Variants in RIC1 observed in about 807,000 individuals in gnomAD.
The protein encoded by RIC1 is guanine nucleotide exchange factor subunit RIC1.
A neutral mutation model predicts 169.0 loss-of-function variants in RIC1; 88 were observed. The ratio of observed to expected loss-of-function variants is 0.52; its 90% CI spans 0.44 to 0.62. The LOEUF is 0.62. Among genes scored for constraint, RIC1 ranks in the 20% least tolerant of loss-of-function variants. The probability of loss-of-function intolerance (pLI) is 0.00; values close to 1 mark genes in which losing one functional copy is unlikely to be tolerated. For missense variants in RIC1, 1,877 were observed against 1,725.5 expected (o/e 1.09, Z -1.56); for synonymous variants, 790 against 601.5 (o/e 1.31, Z -4.59).
Position 5,629,258 on chromosome 9 carries a change from G to A in RIC1, c.-52G>A, listed in dbSNP as rs1230761585. 4 of 1,412,728 alleles carry A rather than the reference G, an allele frequency of 2.8e-6. No homozygotes were observed. Among genetic ancestry groups the A allele is most frequent in the Non-Finnish European group, 3.7e-6 (4 of 1,081,248 alleles). 87.5% of individuals were successfully genotyped at this position (1,412,728 alleles called of 1,614,324 possible). A position where few individuals can be genotyped will look rare whatever the true frequency, so the allele number is the denominator to read the frequency against. On this transcript the variant is annotated 5_prime_UTR_variant, in exon 1 of 26. Transcript: ENST00000414202. ...GTGGGAGGTGGGCGACCAGCCCGGG[G>A]CCGCTGAGTGTGACGGACGCAACTG...
At chr9:5,688,911 G>T (rs1013586681) in intron 2 of RIC1, among the ~76,000 whole-genome samples, 4 of 152,104 alleles carry the variant, frequency 2.6e-5, no homozygotes, top group African/African-American at 7.2e-5. Flanking sequence ...AAAATGTTTG[G>T]CTGGAAACAG....
intron 4 of RIC1, among the ~76,000 whole-genome samples, chr9:5,719,762 C>A (rs1177458987): frequency 6.6e-6 from 1 of 152,220 alleles, no homozygotes. Flanking sequence ...ACATTTCCAT[C>A]ATTATTCAAA....
chr9:5,690,847 T>C (rs750624489), intron 3 of RIC1, among the ~76,000 whole-genome samples: 18 of 151,782 alleles, frequency 1.2e-4, no homozygotes, highest in South Asian at 4.2e-4. Context: ...GAGATTCCAG[T>C]AGATAAATAG....
Position 5,629,379 on chromosome 9 carries a change from C to T in RIC1, c.70C>T (p.His24Tyr). 1.3e-6 allele frequency: 2 copies of T among 1,533,738 alleles called. No homozygotes were observed. Among genetic ancestry groups the T allele is most frequent in the Non-Finnish European group, 1.7e-6 (2 of 1,146,016 alleles). The change falls in exon 1 of 26, where the codon CAC (histidine) becomes TAC (tyrosine). Residue 24 changes from histidine (H) to tyrosine (Y), a missense_variant. Physicochemically the swap from His to Tyr is moderately conservative, Grantham distance 83. This residue lies in a region of RIC1 where 1,104 missense variants were observed against 992.0 expected (regional missense o/e 1.11). Coordinates refer to ENST00000414202, the MANE Select transcript of RIC1 (RefSeq NM_020829.4). ...PLGSPAEAPF[H>Y]VQSDPQRAFF... ...GGGGAGCCCGGCCGAGGCGCCTTTC[C>T]ACGTTCAGTCCGACCCGCAGAGGGC...
rs1333179778 is a variant in RIC1 at position 5,775,628 on chromosome 9, C to T, written c.*1382C>T. 1 of 152,148 alleles carries T rather than the reference C, an allele frequency of 6.6e-6. No individual in the cohort carries two copies. The allele number at this position is 152,148 out of a possible 1,614,324, so 9.4% of individuals were successfully genotyped here. On this transcript the variant is annotated 3_prime_UTR_variant, in exon 26 of 26. Coordinates refer to ENST00000414202, the MANE Select transcript of RIC1 (RefSeq NM_020829.4). ...TTAGAAACAAAACTTGGTCCTCTCTCCTTGCTTTTTAAAGTAAATGGCTAG... is the reference window on the plus strand; with the variant it reads ...TTAGAAACAAAACTTGGTCCTCTCTTCTTGCTTTTTAAAGTAAATGGCTAG...
At chr9:5,757,589 G>A in intron 17 of RIC1, 138 bp downstream of exon 17, 2 of 827,568 alleles carry the variant, frequency 2.4e-6, no homozygotes, top group South Asian at 1.9e-5. Flanking sequence ...GGGTTGCAGT[G>A]GCAAATTAAA....
At chr9:5,726,280 T>C (rs1329998229) in intron 6 of RIC1, among the ~76,000 whole-genome samples, 1 of 152,248 alleles carries the variant, frequency 6.6e-6, no homozygotes, top group Non-Finnish European at 1.5e-5. Context: ...GCTCTTCTTG[T>C]TGAATTGATC....
chr9:5,744,305 A>T (rs1277849231), intron 10 of RIC1, among the ~76,000 whole-genome samples: 1 of 152,098 alleles, frequency 6.6e-6, no homozygotes, highest in East Asian at 1.9e-4. Context: ...CCTGGAGGAC[A>T]TGCACTTGTG....
chr9:5,649,057 C>T (rs1350304220), intron 1 of RIC1, among the ~76,000 whole-genome samples: 1 of 152,028 alleles, frequency 6.6e-6, no homozygotes, highest in Non-Finnish European at 1.5e-5. Flanking sequence ...ATCATTTGAG[C>T]CAGGGAGGTA....
In RIC1 at chr9:5,742,850, T is replaced by C; in HGVS notation, c.902-19T>C. 1 of 1,597,494 alleles carries C rather than the reference T, an allele frequency of 6.3e-7. No homozygotes were observed. Among genetic ancestry groups the C allele is most frequent in the Non-Finnish European group, 8.6e-7 (1 of 1,169,292 alleles). On this transcript the variant is annotated intron_variant, in intron 8 of 25. Transcript: ENST00000414202. The stretch of plus-strand genomic sequence containing the variant: ...GAAGCAACTATTTATTTTTAACTCT[T>C]CTCACTATTTCCTAACAGACATTTG...
intron 2 of RIC1, among the ~76,000 whole-genome samples, chr9:5,677,990 C>T (rs1820557075): frequency 6.6e-6 from 1 of 151,948 alleles, no homozygotes. Context: ...AATGCTATCC[C>T]TCCCCCCTGC....
In RIC1 at chr9:5,765,719, C is replaced by A; in HGVS notation, c.3058C>A (p.Gln1020Lys). 1 of 1,614,138 alleles carries A rather than the reference C, an allele frequency of 6.2e-7. No individual in the cohort carries two copies. The highest frequency in any genetic ancestry group is 8.5e-7 in the Non-Finnish European group (1 of 1,179,994). ...FFRNRSISLS[Q>K]SAENVPASKF... Reference sequence around the variant, plus strand: ...CAGGAATCGAAGCATCAGTTTATCCCAGTCAGCTGAAAATGTTCCTGCCAG... The same window carrying A: ...CAGGAATCGAAGCATCAGTTTATCCAAGTCAGCTGAAAATGTTCCTGCCAG... Residue 1020 changes from glutamine to lysine, a missense_variant, in exon 21 of 26, where the codon CAG (glutamine) becomes AAG (lysine). Physicochemically the swap from Gln to Lys is moderately conservative, Grantham distance 53. Around this residue, in one of 3 missense-constraint regions of RIC1, gnomAD observed 681 missense variants for 582.0 expected, o/e 1.17. Coordinates refer to ENST00000414202, the MANE Select transcript of RIC1 (RefSeq NM_020829.4).
intron 2 of RIC1, among the ~76,000 whole-genome samples, chr9:5,681,255 G>C (rs1261859250): frequency 1.3e-5 from 2 of 152,032 alleles, no homozygotes; most frequent in Non-Finnish European, 2.9e-5. Context: ...TGTGATGTTA[G>C]GGTGTCAATT....
chr9:5,747,605 G>A (rs1338673486), intron 12 of RIC1, 100 bp downstream of exon 12: 7 of 1,073,750 alleles, frequency 6.5e-6, no homozygotes, highest in Non-Finnish European at 9.7e-6. Flanking sequence ...AGGCAACTGA[G>A]AATCCTTTTA....
chr9:5,759,166 G>A (rs1038641058), intron 17 of RIC1, among the ~76,000 whole-genome samples: 3 of 152,150 alleles, frequency 2.0e-5, no homozygotes, highest in African/African-American at 7.2e-5. Flanking sequence ...CTGTTTTACA[G>A]AAGTTTAGAT....
chr9:5,630,919 G>C (rs934857179), intron 1 of RIC1, among the ~76,000 whole-genome samples: 1 of 152,138 alleles, frequency 6.6e-6, no homozygotes, highest in African/African-American at 2.4e-5. Flanking sequence ...AATAGAACTT[G>C]AATTTAAATT....
chr9:5,666,750 A>G (rs921903426), intron 2 of RIC1, among the ~76,000 whole-genome samples: 1 of 152,124 alleles, frequency 6.6e-6, no homozygotes, highest in Non-Finnish European at 1.5e-5. Context: ...ACGATGTATG[A>G]AGTATTTGCT....
chr9:5,663,130 G>A (rs1320192350), intron 2 of RIC1, among the ~76,000 whole-genome samples: 1 of 152,178 alleles, frequency 6.6e-6, no homozygotes, highest in East Asian at 1.9e-4. Flanking sequence ...CCATGTAGTT[G>A]TGTGGTTTTG....
intron 3 of RIC1, among the ~76,000 whole-genome samples, chr9:5,711,830 G>T (rs774493751): frequency 6.6e-6 from 1 of 152,080 alleles, no homozygotes; most frequent in African/African-American, 2.4e-5. Context: ...GCGGTGTTTG[G>T]TTTTTTGTCC....
Sources: allele counts gnomAD v4.1 joint callset (sites outside exome capture counted in the v4.1 genomes callset), GRCh38; gene constraint gnomAD v4.1.1; regional missense constraint gnomAD v4.1.1; transcripts MANE v1.5; gene names NCBI Gene and HGNC (gene_info 2026-07-23, HGNC 2026-07-21).